Variants in ASAP2 observed in about 807,000 individuals in gnomAD.
The protein encoded by ASAP2 is arf-GAP with SH3 domain, ANK repeat and PH domain-containing protein 2.
A neutral mutation model predicts 131.4 loss-of-function variants in ASAP2; 45 were observed. That is an observed-to-expected ratio of 0.34 (90% CI 0.27 to 0.44). ASAP2 has a LOEUF of 0.44. Ranked by LOEUF, ASAP2 falls within the 20% of genes least tolerant of loss-of-function variation. The probability of loss-of-function intolerance (pLI) is 1.00; values close to 1 mark genes in which losing one functional copy is unlikely to be tolerated. For synonymous variants in ASAP2, 510 were observed against 503.0 expected (o/e 1.01, Z -0.19); for missense variants, 1,011 against 1,297.0 (o/e 0.78, Z 3.39).
rs1368731369 is a variant in ASAP2 at position 9,380,002 on chromosome 2, A to AT, written c.1949-739_1949-738insT. ...CAAGACTCCATCTCAAAAAAAAAAA[A>AT]ATAAATAAAGTATATACTTTCAGGG... On this transcript the variant is annotated intron_variant, in intron 19 of 27. Coordinates refer to ENST00000281419, the MANE Select transcript of ASAP2 (RefSeq NM_003887.3). Among the ~76,000 whole-genome samples, 3 of 149,182 alleles carry AT rather than the reference A, an allele frequency of 2.0e-5. 1 individual carries two copies. The highest frequency in any genetic ancestry group is 7.6e-5 in the African/African-American group (3 of 39,602).
intron 1 of ASAP2, among the ~76,000 whole-genome samples, chr2:9,243,741 C>T (rs1268582337): frequency 6.6e-6 from 1 of 152,176 alleles, no homozygotes; most frequent in Non-Finnish European, 1.5e-5. Context: ...ACTCATTCAT[C>T]TGCTCATTTA....
intron 12 of ASAP2, among the ~76,000 whole-genome samples, chr2:9,354,344 C>T (rs1469781899): frequency 1.3e-5 from 2 of 152,248 alleles, no homozygotes; most frequent in African/African-American, 4.8e-5. Flanking sequence ...TCCTGCTCTT[C>T]TCCCTCACGG....
chr2:9,298,729 G>C (rs1044407628), intron 3 of ASAP2, among the ~76,000 whole-genome samples: 1 of 152,208 alleles, frequency 6.6e-6, no homozygotes, highest in Non-Finnish European at 1.5e-5. Context: ...TGCTGCCATG[G>C]AGGGCGTCTC....
At chr2:9,319,753 C>G (rs114216629) in intron 4 of ASAP2, among the ~76,000 whole-genome samples, 2,545 of 152,286 alleles carry the variant, frequency 0.017, 89 homozygotes, top group African/African-American at 0.058. Context: ...TCCAGTGGCT[C>G]AGTAGTTTTT....
chr2:9,393,582 G>T lies in ASAP2; in HGVS notation c.2619G>T (p.Gln873His), dbSNP rs141123652. ...AGCCTGCCCCGCCTGGGATCTCACA[G>T]ATCAGGCCCCCACCTCTGCCCCCAC... ...PSKPAPPGIS[Q>H]IRPPPLPPQP... The change falls in exon 24 of 28, where the codon CAG becomes CAT. Residue 873 changes from glutamine (Q) to histidine (H), a missense_variant. Coordinates refer to ENST00000281419, the MANE Select transcript of ASAP2 (RefSeq NM_003887.3). The T allele has an allele frequency of 5.6e-6, 9 of 1,597,028 alleles. No homozygotes were observed. In the South Asian group the frequency reaches 9.0e-5, roughly 16 times the overall value.
chr2:9,237,417 T>TC (rs1663630126), intron 1 of ASAP2, among the ~76,000 whole-genome samples: 1 of 150,150 alleles, frequency 6.7e-6, no homozygotes, highest in African/African-American at 2.4e-5. Context: ...TTTTGGTCTT[T>TC]TTTTTTTTTT....
intron 25 of ASAP2, 117 bp from the exon 26 acceptor site, chr2:9,400,625 C>T (rs1039043356): frequency 6.6e-6 from 6 of 904,236 alleles, no homozygotes; most frequent in East Asian, 2.5e-5. Context: ...TTCCCCTCAA[C>T]AGATCGGAAC....
chr2:9,396,487 G>A (rs935434467), intron 24 of ASAP2, among the ~76,000 whole-genome samples: 1 of 152,028 alleles, frequency 6.6e-6, no homozygotes, highest in African/African-American at 2.4e-5. Flanking sequence ...ATGTTGCCCA[G>A]GCTGGTCTCG....
At chr2:9,222,978 G>A (rs1377889796) in intron 1 of ASAP2, among the ~76,000 whole-genome samples, 1 of 152,092 alleles carries the variant, frequency 6.6e-6, no homozygotes, top group Non-Finnish European at 1.5e-5. Flanking sequence ...GACCCTCCAA[G>A]GCCTGTGTTT....
At chr2:9,320,528 TC>T (rs776630964) in intron 5 of ASAP2, among the ~76,000 whole-genome samples, 191 bp downstream of exon 5, 2 of 152,240 alleles carry the variant, frequency 1.3e-5, no homozygotes, top group African/African-American at 2.4e-5. Flanking sequence ...TAATCTGTTT[TC>T]TTCTGTTCCT....
At chr2:9,248,881 G>C (rs1664517994) in intron 1 of ASAP2, among the ~76,000 whole-genome samples, 1 of 152,168 alleles carries the variant, frequency 6.6e-6, no homozygotes, top group Non-Finnish European at 1.5e-5. Context: ...AGGTGGCAAC[G>C]AGGCTGGCTC....
At chr2:9,341,407 T>C (rs140109222) in intron 9 of ASAP2, among the ~76,000 whole-genome samples, 142 of 152,372 alleles carry the variant, frequency 9.3e-4, no homozygotes, top group Middle Eastern at 6.8e-3. Context: ...TTTGCCTGCA[T>C]GCTTCAATTG....
At chr2:9,285,533 G>T (rs1667408551) in intron 2 of ASAP2, among the ~76,000 whole-genome samples, 2 of 152,156 alleles carry the variant, frequency 1.3e-5, no homozygotes, top group Admixed American at 1.3e-4. Context: ...AAAAGCAGTT[G>T]TCATAATGAT....
At chr2:9,358,993 T>C (rs972528071) in intron 15 of ASAP2, 104 bp downstream of exon 15, 2 of 1,351,256 alleles carry the variant, frequency 1.5e-6, no homozygotes, top group African/African-American at 1.5e-5. Flanking sequence ...GTTGTTGATA[T>C]GTTGCCAGAT....
chr2:9,296,856 G>T (rs904938400), intron 2 of ASAP2, among the ~76,000 whole-genome samples: 1 of 152,200 alleles, frequency 6.6e-6, no homozygotes, highest in Non-Finnish European at 1.5e-5. Context: ...CACTGCTGTT[G>T]CTGTATTAAA....
chr2:9,305,143 G>T (rs996993125), intron 3 of ASAP2, among the ~76,000 whole-genome samples: 1 of 150,526 alleles, frequency 6.6e-6, no homozygotes, highest in African/African-American at 2.5e-5. Context: ...TAATAGTGGG[G>T]TATAGATATT....
At chr2:9,376,584 A>G (rs1246933339) in intron 17 of ASAP2, among the ~76,000 whole-genome samples, 1 of 152,216 alleles carries the variant, frequency 6.6e-6, no homozygotes, top group Non-Finnish European at 1.5e-5. Flanking sequence ...TCCTTTGAAC[A>G]AGATTCTTGC....
rs140064358 is a variant in ASAP2 at position 9,229,590 on chromosome 2, G to A, written c.126+22360G>A. On this transcript the variant is annotated intron_variant, in intron 1 of 27. Coordinates refer to ENST00000281419, the MANE Select transcript of ASAP2 (RefSeq NM_003887.3). ...CCAGCATTGAGCTGGCTGCTTTTCT[G>A]TAGGAGCCTGAATCTCAGTCGAGCC... Among the ~76,000 whole-genome samples the A allele has an allele frequency of 9.2e-5, 14 of 152,340 alleles. No individual in the cohort carries two copies. In the East Asian group the frequency reaches 1.9e-3, roughly 21 times the overall value.
At position 9,385,586 on chromosome 2, in the gene ASAP2, A is replaced by G. The variant is rs375298686; in HGVS notation, c.2130+228A>G. 8.5e-5 allele frequency among the ~76,000 whole-genome samples: 13 copies of G among 152,256 alleles called. No homozygotes were observed. The South Asian group carries it at 2.1e-3, about 24-fold the overall frequency. ...TAAAGGAATGGCTAATTATGTACTT[A>G]TAGGCAGCCTTTTGCTACAAAGGAA... is the stretch of plus-strand genomic sequence containing the variant. On this transcript the variant is annotated intron_variant, in intron 21 of 27. Coordinates refer to ENST00000281419, the MANE Select transcript of ASAP2 (RefSeq NM_003887.3).
Sources: allele counts gnomAD v4.1 joint callset (sites outside exome capture counted in the v4.1 genomes callset), GRCh38; gene constraint gnomAD v4.1.1; transcripts MANE v1.5; gene names NCBI Gene and HGNC (gene_info 2026-07-23, HGNC 2026-07-21).